Variants in CFHR1 observed in about 807,000 individuals in gnomAD.
The protein encoded by CFHR1 is complement factor H-related protein 1.
CFHR1 carries 22 observed loss-of-function variants against 30.4 expected under a neutral mutation model. The ratio of observed to expected loss-of-function variants is 0.72; its 90% CI spans 0.52 to 1.03. The LOEUF (loss-of-function observed/expected upper bound fraction) is 1.03. CFHR1 is among the 50% of genes least tolerant of loss of function. The probability of loss-of-function intolerance (pLI) is 0.00; values close to 1 mark genes in which losing one functional copy is unlikely to be tolerated. For missense variants in CFHR1, 248 were observed against 380.6 expected, an observed-to-expected ratio of 0.65 and a Z score of 2.90; for synonymous variants, 95 against 129.1, an observed-to-expected ratio of 0.74 and a Z score of 1.79.
rs1238216396 is a variant in CFHR1, at chr1:196,831,824, T to C, written c.818T>C (p.Met273Thr). 8 of 1,525,250 alleles carry C rather than the reference T, an allele frequency of 5.2e-6. 3 individuals are homozygous for C. The highest frequency in any genetic ancestry group is 1.2e-5 in the South Asian group (1 of 80,214). 94.5% of individuals were successfully genotyped at this position (1,525,250 alleles called of 1,614,324 possible). The change falls in exon 6 of 6, where the codon ATG becomes ACG. Residue 273 changes from methionine to threonine, a missense_variant. Physicochemically the swap from Met to Thr is moderately conservative, Grantham distance 81. Coordinates refer to ENST00000320493, the MANE Select transcript of CFHR1 (RefSeq NM_002113.3). ...LHPCVISREI[M>T]ENYNIALRWT... ...CCGTGTGTAATATCCCGAGAAATTATGGAAAATTATAACATAGCATTAAGG... is the reference window on the plus strand; with the variant it reads ...CCGTGTGTAATATCCCGAGAAATTACGGAAAATTATAACATAGCATTAAGG...
At chr1:196,823,828 A>G (rs1655217250) in intron 1 of CFHR1, among the ~76,000 whole-genome samples, 1 of 134,726 alleles carries the variant, frequency 7.4e-6, no homozygotes, top group South Asian at 2.6e-4. Flanking sequence ...GAACCCCAAC[A>G]TAAACTATGA....
Position 196,832,176 on chromosome 1 carries a change from A to T in CFHR1, c.*177A>T, listed in dbSNP as rs3202157. The T allele has an allele frequency of 2.0e-5, 14 of 695,228 alleles. No homozygotes were observed. Among genetic ancestry groups the T allele is most frequent in the Admixed American group, 5.3e-5 (2 of 37,414 alleles). The allele number at this position is 695,228 out of a possible 1,614,324, so 43.1% of individuals were successfully genotyped here. Reference sequence around the variant, plus strand: ...CTCTTCTTAAAAGCACCATATTAAAACTTGGAAAACTAACTGTTGTGTCCA... The same window carrying T: ...CTCTTCTTAAAAGCACCATATTAAATCTTGGAAAACTAACTGTTGTGTCCA... On this transcript the variant is annotated 3_prime_UTR_variant, in exon 6 of 6. Coordinates refer to ENST00000320493, the MANE Select transcript of CFHR1 (RefSeq NM_002113.3).
rs780381287 is a variant in CFHR1, at chr1:196,830,687, G to A, written c.790+5G>A. On this transcript the variant is annotated splice_donor_5th_base_variant and intron_variant, in intron 5 of 5. Coordinates refer to ENST00000320493, the MANE Select transcript of CFHR1 (RefSeq NM_002113.3). ...CAGAACCACCAAAATGCTTACGTAA[G>A]TACTTTAATATTCACGTGGCTGGAA... 4 of 1,523,020 alleles carry A rather than the reference G, an allele frequency of 2.6e-6. No individual in the cohort carries two copies. The East Asian group carries it at 6.7e-5, about 26-fold the overall frequency. 94.3% of individuals were successfully genotyped at this position (1,523,020 alleles called of 1,614,324 possible).
At chr1:196,827,258 C>T (rs1388438897) in intron 3 of CFHR1, among the ~76,000 whole-genome samples, 1 of 134,720 alleles carries the variant, frequency 7.4e-6, no homozygotes, top group Non-Finnish European at 1.6e-5. Flanking sequence ...AATGAAAATA[C>T]AATTCCATAA....
intron 3 of CFHR1, among the ~76,000 whole-genome samples, chr1:196,827,707 T>C (rs1655388630): frequency 7.7e-6 from 1 of 129,404 alleles, no homozygotes; most frequent in Admixed American, 7.5e-5. Context: ...TTATGCTGAC[T>C]TTTTGCATTT....
Position 196,829,730 on chromosome 1 carries a change from T to C in CFHR1, c.608-770T>C, listed in dbSNP as rs1240022637. On this transcript the variant is annotated intron_variant, in intron 4 of 5. Transcript: ENST00000320493. Reference sequence around the variant, plus strand: ...GTCTAGTTGCTTTCAAGGTATTTTTTTCTTTTTTTAAAGTAGTTTTATTTT... The same window carrying C: ...GTCTAGTTGCTTTCAAGGTATTTTTCTCTTTTTTTAAAGTAGTTTTATTTT... 5.2e-5 allele frequency among the ~76,000 whole-genome samples: 7 copies of C among 135,384 alleles called. No individual in the cohort carries two copies. In the East Asian group the frequency reaches 1.4e-3, roughly 26 times the overall value. 88.8% of individuals were successfully genotyped at this position (135,384 alleles called of 152,430 possible). A position where few individuals can be genotyped will look rare whatever the true frequency, so the allele number is the denominator to read the frequency against.
Position 196,822,495 on chromosome 1 carries a change from T to G in CFHR1, c.58+2593T>G. Among the ~76,000 whole-genome samples the G allele has an allele frequency of 1.5e-5, 2 of 132,110 alleles. 1 individual carries two copies. The highest frequency in any genetic ancestry group is 3.9e-4 in the East Asian group (2 of 5,074). The allele number at this position is 132,110 out of a possible 152,430, so 86.7% of individuals were successfully genotyped here. A position where few individuals can be genotyped will look rare whatever the true frequency, so the allele number is the denominator to read the frequency against. ...GTTCTTGTGCTATAAGCTTTTATCTTTTAAATATTTTACTTATTTATTTAC... is the reference window on the plus strand; with the variant it reads ...GTTCTTGTGCTATAAGCTTTTATCTGTTAAATATTTTACTTATTTATTTAC... On this transcript the variant is annotated intron_variant, in intron 1 of 5. Transcript: ENST00000320493.
Position 196,823,618 on chromosome 1 carries a change from C to G in CFHR1, c.59-1859C>G, listed in dbSNP as rs534928970. ...AGATAGATGAAAAAGAGAAATTTCT[C>G]TTGATTTGTCAGCTTAATTTCTGCA... On this transcript the variant is annotated intron_variant, in intron 1 of 5. Coordinates refer to ENST00000320493, the MANE Select transcript of CFHR1 (RefSeq NM_002113.3). Among the ~76,000 whole-genome samples the G allele has an allele frequency of 2.1e-4, 29 of 135,644 alleles. 4 individuals are homozygous for G. Among genetic ancestry groups the G allele is most frequent in the Non-Finnish European group, 4.5e-4 (29 of 64,376 alleles). The allele number at this position is 135,644 out of a possible 152,430, so 89.0% of individuals were successfully genotyped here.
chr1:196,825,593 T>C lies in CFHR1; in HGVS notation c.175T>C (p.Phe59Leu), dbSNP rs1247476046. The C allele has an allele frequency of 5.2e-6, 8 of 1,525,066 alleles. 1 individual carries two copies. The highest frequency in any genetic ancestry group is 5.3e-6 in the Non-Finnish European group (6 of 1,129,010). 94.5% of individuals were successfully genotyped at this position (1,525,066 alleles called of 1,614,324 possible). ...TTTCTATTACTCCTGTGAATATAATTTTGTGTCTCCTTCAAAATCATTTTG... is the reference window on the plus strand; with the variant it reads ...TTTCTATTACTCCTGTGAATATAATCTTGTGTCTCCTTCAAAATCATTTTG... ...EVFYYSCEYN[F>L]VSPSKSFWTR... The change falls in exon 2 of 6, where the codon TTT becomes CTT. Residue 59 changes from phenylalanine (F) to leucine (L), a missense_variant. Around this residue, in one of 3 missense-constraint regions of CFHR1, gnomAD observed 121 missense variants for 162.6 expected, o/e 0.74. Coordinates refer to ENST00000320493, the MANE Select transcript of CFHR1 (RefSeq NM_002113.3).
chr1:196,824,746 CTGTATATATATATATA>C (rs1451869810), intron 1 of CFHR1, among the ~76,000 whole-genome samples: 1 of 36,528 alleles, frequency 2.7e-5, no homozygotes, highest in Non-Finnish European at 4.4e-5. Context: ...GTGGGGCTGA[CTGTATATATATATATA>C]TATATATATA....
chr1:196,820,405 C>T (rs2124882179), intron 1 of CFHR1, among the ~76,000 whole-genome samples: 1 of 95,814 alleles, frequency 1.0e-5, no homozygotes, highest in East Asian at 2.9e-4. Context: ...TAGAAAATAT[C>T]ATTTATATAT....
chr1:196,830,584 C>A lies in CFHR1; in HGVS notation c.692C>A (p.Ser231Ter), dbSNP rs1655510826. 6.6e-7 allele frequency: 1 copy of A among 1,524,368 alleles called. No individual in the cohort carries two copies. 94.4% of individuals were successfully genotyped at this position (1,524,368 alleles called of 1,614,324 possible). A position where few individuals can be genotyped will look rare whatever the true frequency, so the allele number is the denominator to read the frequency against. The change falls in exon 5 of 6, where the codon TCA (serine) becomes TAA (stop). Residue 231 changes from serine to a stop codon, truncating the protein, a stop_gained. Transcript: ENST00000320493. LOFTEE classifies it high-confidence loss of function. ...CCGTTGTCAGTATATGCTCCAGCTT[C>A]ATCAGTTGAGTACCAATGCCAGAAC... ...SFPLSVYAPA[S>*]SVEYQCQNLY...
chr1:196,829,409 G>A lies in CFHR1; in HGVS notation c.608-1091G>A, dbSNP rs1232539165. On this transcript the variant is annotated intron_variant, in intron 4 of 5. Coordinates refer to ENST00000320493, the MANE Select transcript of CFHR1 (RefSeq NM_002113.3). ...GACTCCTCTTTTTATCCATTATATCGTTCTATTTTTTCAGGATCCTGAAGT... is the reference window on the plus strand; with the variant it reads ...GACTCCTCTTTTTATCCATTATATCATTCTATTTTTTCAGGATCCTGAAGT... Among the ~76,000 whole-genome samples the A allele has an allele frequency of 2.2e-5, 3 of 134,976 alleles. 1 individual carries two copies. The highest frequency in any genetic ancestry group is 9.5e-5 in the African/African-American group (3 of 31,618). The allele number at this position is 134,976 out of a possible 152,430, so 88.5% of individuals were successfully genotyped here.
intron 3 of CFHR1, 84 bp downstream of exon 3, chr1:196,827,089 GT>G: frequency 1.5e-6 from 2 of 1,311,928 alleles, no homozygotes; most frequent in Non-Finnish European, 2.1e-6. Context: ...TTAAATATAG[GT>G]TTTGCCACAT....
intron 1 of CFHR1, among the ~76,000 whole-genome samples, chr1:196,821,752 TG>T (rs1655128214): frequency 2.1e-5 from 2 of 96,818 alleles, no homozygotes. Flanking sequence ...TGTGTGTGTG[TG>T]TGTGTGTGTG....
At position 196,826,863 on chromosome 1, in the gene CFHR1, T is replaced by C. The variant is rs1339928376; in HGVS notation, c.288T>C (p.His96=). The C allele has an allele frequency of 6.6e-7, 1 of 1,525,186 alleles. No homozygotes were observed. Among genetic ancestry groups the C allele is most frequent in the East Asian group, 2.2e-5 (1 of 44,624 alleles). The allele number at this position is 1,525,186 out of a possible 1,614,324, so 94.5% of individuals were successfully genotyped here. ...TCTTTCCTTTTGTGGAAAATGGTCA[T>C]TCTGAATCTTCAGGACAAACACATC... ...LCFFPFVENG[H]SESSGQTHLE... Residue 96 remains histidine, a synonymous_variant, in exon 3 of 6, where the codon CAT becomes CAC. Coordinates refer to ENST00000320493, the MANE Select transcript of CFHR1 (RefSeq NM_002113.3).
rs1655492118 is a variant in CFHR1 at position 196,830,258 on chromosome 1, C to T, written c.608-242C>T. ...TCATTCGGAAAGATATTTCTTAATC[C>T]TGATCTACCATAAGCAGCAATATTT... On this transcript the variant is annotated intron_variant, in intron 4 of 5. Transcript: ENST00000320493. 1.5e-5 allele frequency among the ~76,000 whole-genome samples: 2 copies of T among 134,938 alleles called. 1 individual carries two copies. The highest frequency in any genetic ancestry group is 6.3e-5 in the African/African-American group (2 of 31,538). The allele number at this position is 134,938 out of a possible 152,430, so 88.5% of individuals were successfully genotyped here.
rs1655459050 is a variant in CFHR1 at position 196,829,373 on chromosome 1, C to T, written c.607+1127C>T. ...AAAAAACTTATGAGGAAAAAGATAT[C>T]GTGTTATATTGACTCCTCTTTTTAT... On this transcript the variant is annotated intron_variant, in intron 4 of 5. Transcript: ENST00000320493. Among the ~76,000 whole-genome samples the T allele has an allele frequency of 1.5e-5, 2 of 134,920 alleles. 1 individual carries two copies. The highest frequency in any genetic ancestry group is 3.1e-5 in the Non-Finnish European group (2 of 64,060). 88.5% of individuals were successfully genotyped at this position (134,920 alleles called of 152,430 possible).
In CFHR1 at chr1:196,830,544, G is replaced by A. The variant is rs774499959; in HGVS notation, c.652G>A (p.Asp218Asn). 9.2e-6 allele frequency: 14 copies of A among 1,525,100 alleles called. 2 individuals are homozygous for A. Among genetic ancestry groups the A allele is most frequent in the Admixed American group, 6.9e-5 (4 of 57,906 alleles). 94.5% of individuals were successfully genotyped at this position (1,525,100 alleles called of 1,614,324 possible). A position where few individuals can be genotyped will look rare whatever the true frequency, so the allele number is the denominator to read the frequency against. The change falls in exon 5 of 6, where the codon GAC becomes AAC. Residue 218 changes from aspartate to asparagine, a missense_variant. Coordinates refer to ENST00000320493, the MANE Select transcript of CFHR1 (RefSeq NM_002113.3). ...CGPPPPIDNGDITSFPLSVYA... is the reference protein window; with the variant it reads ...CGPPPPIDNGNITSFPLSVYA... Reference sequence around the variant, plus strand: ...GCCCCCTCCACCTATTGACAATGGGGACATTACTTCATTCCCGTTGTCAGT... The same window carrying A: ...GCCCCCTCCACCTATTGACAATGGGAACATTACTTCATTCCCGTTGTCAGT...
Sources: allele counts gnomAD v4.1 joint callset (sites outside exome capture counted in the v4.1 genomes callset), GRCh38; gene constraint gnomAD v4.1.1; regional missense constraint gnomAD v4.1.1; transcripts MANE v1.5; gene names NCBI Gene and HGNC (gene_info 2026-07-23, HGNC 2026-07-21).